The following SMC1B variants were observed in gnomAD, a reference collection of about 807,000 sequenced individuals.
The protein encoded by SMC1B is structural maintenance of chromosomes 1B.
Under a neutral mutation model 157.9 loss-of-function variants are expected in SMC1B, and 60 were observed. The ratio of observed to expected loss-of-function variants is 0.38; its 90% CI spans 0.31 to 0.47. The LOEUF (loss-of-function observed/expected upper bound fraction) is 0.47. SMC1B is among the 20% of genes least tolerant of loss of function. The pLI, the probability that SMC1B is intolerant of heterozygous loss-of-function variation, is 0.99. For missense variants in SMC1B, 1,165 were observed against 1,426.2 expected (o/e 0.82, Z 2.95); for synonymous variants, 445 against 483.0 (o/e 0.92, Z 1.03).
intron 23 of SMC1B, 39 bp from the exon 24 acceptor site, chr22:45,345,608 A>C: frequency 2.3e-6 from 3 of 1,295,264 alleles, no homozygotes; most frequent in African/African-American, 1.5e-5. Flanking sequence ...TAGGAAGGAA[A>C]GGCCTTGTCT....
rs719925 is a variant in SMC1B, at chr22:45,362,878, T to C, written c.2562+7A>G. 764,938 of 1,576,770 alleles carry C rather than the reference T, an allele frequency of 0.49. 194,532 individuals are homozygous for C. The highest frequency in any genetic ancestry group is 0.53 in the Non-Finnish European group (612,439 of 1,161,048). On this transcript the variant is annotated splice_region_variant and intron_variant, in intron 16 of 24. Transcript: ENST00000357450. ...AAGAGGCACTTCAGCTACCCATTAT[T>C]AATTACCTTCTTTAGGTGATCAATA...
At chr22:45,376,721 T>C (rs2086887266) in intron 12 of SMC1B, among the ~76,000 whole-genome samples, 1 of 125,474 alleles carries the variant, frequency 8.0e-6, no homozygotes, top group Non-Finnish European at 1.8e-5. Flanking sequence ...ATATAGTTTT[T>C]TTTTTCCTCA....
In SMC1B at chr22:45,398,567, C is replaced by T. The variant is rs537759904; in HGVS notation, c.1113+528G>A. On this transcript the variant is annotated intron_variant, in intron 6 of 24. Transcript: ENST00000357450. Reference sequence around the variant, plus strand: ...TGCATCGGCCGGGCATGGTGGCTCACGCCTGTAATCCCCGTACTTTGGGAG... The same window carrying T: ...TGCATCGGCCGGGCATGGTGGCTCATGCCTGTAATCCCCGTACTTTGGGAG... Among the ~76,000 whole-genome samples, 43 of 152,238 alleles carry T rather than the reference C, an allele frequency of 2.8e-4. No homozygotes were observed. In the East Asian group the frequency reaches 4.1e-3, roughly 14 times the overall value.
chr22:45,365,606 G>T (rs552449645), intron 15 of SMC1B, among the ~76,000 whole-genome samples: 3 of 152,308 alleles, frequency 2.0e-5, no homozygotes, highest in African/African-American at 7.2e-5. Flanking sequence ...TTGGGAGGCT[G>T]AGGTAGGAAG....
chr22:45,370,593 T>A (rs1181756472), intron 14 of SMC1B, among the ~76,000 whole-genome samples: 1 of 152,224 alleles, frequency 6.6e-6, no homozygotes, highest in African/African-American at 2.4e-5. Context: ...AGGACATTTT[T>A]AAAAACTTTC....
intron 5 of SMC1B, among the ~76,000 whole-genome samples, chr22:45,401,301 T>C (rs1184112450): frequency 2.6e-5 from 4 of 152,134 alleles, no homozygotes; most frequent in African/African-American, 9.7e-5. Context: ...AGCCCCAAAA[T>C]CATTTCTTTT....
At chr22:45,399,425 G>T in intron 5 of SMC1B, 72 bp from the exon 6 acceptor site, 2 of 1,366,158 alleles carry the variant, frequency 1.5e-6, no homozygotes, top group Non-Finnish European at 2.0e-6. Flanking sequence ...AAGTTGTTTT[G>T]ATCAAACCAC....
At chr22:45,349,234 C>CAA (rs2086584254) in intron 23 of SMC1B, among the ~76,000 whole-genome samples, 1 of 151,794 alleles carries the variant, frequency 6.6e-6, no homozygotes, top group South Asian at 2.1e-4. Context: ...AGGCTGGTCT[C>CAA]GAACTCCTGA....
rs117358474 is a variant in SMC1B, at chr22:45,366,761, G to A, written c.2420+3193C>T. On this transcript the variant is annotated intron_variant, in intron 15 of 24. Coordinates refer to ENST00000357450, the MANE Select transcript of SMC1B (RefSeq NM_148674.5). ...AGTGCTGGGATTACATGCATAAGCC[G>A]CTGCACTCAGCCACAGATAATTCTT... is the stretch of plus-strand genomic sequence containing the variant. Among the ~76,000 whole-genome samples the A allele has an allele frequency of 5.2e-3, 799 of 152,282 alleles. 3 individuals carry two copies. Among genetic ancestry groups the A allele is most frequent in the Middle Eastern group, 0.014 (4 of 294 alleles).
At chr22:45,391,760 C>T (rs2087061129) in intron 9 of SMC1B, among the ~76,000 whole-genome samples, 1 of 152,146 alleles carries the variant, frequency 6.6e-6, no homozygotes, top group South Asian at 2.1e-4. Flanking sequence ...CATTTAAGTA[C>T]CTGAATTCTC....
intron 4 of SMC1B, among the ~76,000 whole-genome samples, chr22:45,404,585 A>G (rs1233564396): frequency 6.6e-6 from 1 of 152,184 alleles, no homozygotes; most frequent in Non-Finnish European, 1.5e-5. Context: ...GGTCTCTACA[A>G]TCCGTTATCT....
intron 22 of SMC1B, among the ~76,000 whole-genome samples, chr22:45,351,477 T>A (rs557596249): frequency 6.6e-6 from 1 of 152,376 alleles, no homozygotes; most frequent in South Asian, 2.1e-4. Flanking sequence ...TAAAAAGTTT[T>A]CAAACTCTTG....
rs748009660 is a variant in SMC1B, at chr22:45,372,267, T to C, written c.2084A>G (p.Glu695Gly). 11 of 1,606,588 alleles carry C rather than the reference T, an allele frequency of 6.8e-6. No homozygotes were observed. In the Admixed American group the frequency reaches 1.7e-4, roughly 25 times the overall value. ...LKGLMKTLRK[E>G]TDLKQIQTLI... ...GGTCTGTATTTGTTTCAAATCTGTTTCTTTGCGGAGTGTCTTCATTAAACC... is the reference window on the plus strand; with the variant it reads ...GGTCTGTATTTGTTTCAAATCTGTTCCTTTGCGGAGTGTCTTCATTAAACC... Residue 695 changes from glutamate (E) to glycine (G), a missense_variant, in exon 13 of 25, where the codon GAA (glutamate) becomes GGA (glycine). Coordinates refer to ENST00000357450, the MANE Select transcript of SMC1B (RefSeq NM_148674.5).
intron 21 of SMC1B, 76 bp downstream of exon 21, chr22:45,353,902 A>AAAAAAAAAAAAAC (rs2086640275): frequency 3.3e-6 from 2 of 599,266 alleles, no homozygotes; most frequent in East Asian, 8.8e-5. Flanking sequence ...CCAAAAAAAA[A>AAAAAAAAAAAAAC]AAAAAAAAAA....
chr22:45,393,756 C>T lies in SMC1B; in HGVS notation c.1423G>A (p.Glu475Lys), dbSNP rs2087089032. 1 of 1,613,542 alleles carries T rather than the reference C, an allele frequency of 6.2e-7. No individual in the cohort carries two copies. Among genetic ancestry groups the T allele is most frequent in the Non-Finnish European group, 8.5e-7 (1 of 1,179,594 alleles). ...KTKSRMSEVN[E>K]ELNLIRSELQ... is the part of the protein sequence containing the mutation. ...TCACTTCTAATAAGATTCAATTCTT[C>T]ATTAACTTCAGACATTCTTGATTTT... Residue 475 changes from glutamate (E) to lysine (K), a missense_variant, in exon 9 of 25, where the codon GAA becomes AAA. Coordinates refer to ENST00000357450, the MANE Select transcript of SMC1B (RefSeq NM_148674.5).
Position 45,408,835 on chromosome 22 carries a change from A to G in SMC1B, c.173T>C (p.Val58Ala). Reference sequence around the variant, plus strand: ...ATGAATGAGTTCTTGAATATTTTTCACTCTTAAATTAGCTATTTTCTCTCC... The same window carrying G: ...ATGAATGAGTTCTTGAATATTTTTCGCTCTTAAATTAGCTATTTTCTCTCC... ...VMGEKIANLR[V>A]KNIQELIHGA... Residue 58 changes from valine to alanine, a missense_variant, in exon 2 of 25, where the codon GTG becomes GCG. Val to Ala is a moderately conservative substitution (Grantham distance 64, BLOSUM62 0). Coordinates refer to ENST00000357450, the MANE Select transcript of SMC1B (RefSeq NM_148674.5). The G allele has an allele frequency of 6.4e-7, 1 of 1,570,672 alleles. No individual in the cohort carries two copies. The highest frequency in any genetic ancestry group is 8.6e-7 in the Non-Finnish European group (1 of 1,163,324).
chr22:45,394,432 G>A (rs2146833593), intron 8 of SMC1B, among the ~76,000 whole-genome samples: 1 of 152,270 alleles, frequency 6.6e-6, no homozygotes, highest in African/African-American at 2.4e-5. Flanking sequence ...CTTGGTCCAG[G>A]AGTTCAAGAT....
At chr22:45,357,886 CT>C (rs887941599) in intron 19 of SMC1B, among the ~76,000 whole-genome samples, 11 of 152,136 alleles carry the variant, frequency 7.2e-5, no homozygotes, top group African/African-American at 2.7e-4. Flanking sequence ...ACCTAATGAG[CT>C]GACTGTTGGA....
intron 22 of SMC1B, 66 bp downstream of exon 22, chr22:45,352,385 C>A: frequency 7.0e-7 from 1 of 1,436,688 alleles, no homozygotes; most frequent in South Asian, 1.5e-5. Flanking sequence ...GTTAATATAT[C>A]TTCTGTAGGA....
Sources: gnomAD v4.1 joint callset for allele counts (sites outside exome capture counted in the v4.1 genomes callset) on GRCh38, gnomAD v4.1.1 for gene constraint, MANE v1.5 for transcripts, NCBI Gene and HGNC (gene_info 2026-07-23, HGNC 2026-07-21) for gene names.